SLC12A7: variants seen among roughly 807,000 people sequenced by gnomAD.
The protein encoded by SLC12A7 is K-Cl cotransporter 4.
A neutral mutation model predicts 120.6 loss-of-function variants in SLC12A7; 100 were observed. The observed-to-expected ratio is 0.83, with a 90% CI of 0.71 to 0.98. The LOEUF is 0.98. Ranked by LOEUF, SLC12A7 falls within the 50% of genes least tolerant of loss-of-function variation. SLC12A7 has a pLI of 0.00. For missense variants in SLC12A7, 1,373 were observed against 1,548.1 expected (o/e 0.89, Z 1.90); for synonymous variants, 760 against 678.0 (o/e 1.12, Z -1.88).
chr5:1,050,924 C>CTGAT lies in SLC12A7; in HGVS notation c.*1432_*1435dup, dbSNP rs1734968075. ...CCCGATTTGAACTTTGTTGATGGGG[C>CTGAT]TGATTCCCTTGGGAGACCATGCAAG... On this transcript the variant is annotated 3_prime_UTR_variant, in exon 24 of 24. Transcript: ENST00000264930. 2.3e-5 allele frequency: 9 copies of CTGAT among 398,552 alleles called. No homozygotes were observed. Among genetic ancestry groups the CTGAT allele is most frequent in the African/African-American group, 1.0e-4 (5 of 48,640 alleles). 24.7% of individuals were successfully genotyped at this position (398,552 alleles called of 1,614,324 possible). A position where few individuals can be genotyped will look rare whatever the true frequency, so the allele number is the denominator to read the frequency against.
chr5:1,073,504 C>A, intron 17 of SLC12A7, 129 bp downstream of exon 17: 1 of 1,082,892 alleles, frequency 9.2e-7, no homozygotes, highest in Non-Finnish European at 1.3e-6. Context: ...AAGCCACCGC[C>A]ACGGCTAAAA....
chr5:1,085,284 G>A lies in SLC12A7; in HGVS notation c.865C>T (p.Leu289=), dbSNP rs1339749160. The stretch of plus-strand genomic sequence containing the variant: ...TTGATGACGCCGGCATAGATGGCCA[G>A]GATGGACAGCACGACGCAGGCCAGG... ...VFLACVVLSI[L]AIYAGVIKSA... is the part of the protein sequence containing the mutation. Residue 289 remains leucine, a synonymous_variant, in exon 7 of 24, where the codon CTG becomes TTG. Coordinates refer to ENST00000264930, the MANE Select transcript of SLC12A7 (RefSeq NM_006598.3). 6.2e-7 allele frequency: 1 copy of A among 1,612,556 alleles called. No individual in the cohort carries two copies. Among genetic ancestry groups the A allele is most frequent in the East Asian group, 2.2e-5 (1 of 44,870 alleles).
intron 1 of SLC12A7, among the ~76,000 whole-genome samples, chr5:1,107,355 T>TA (rs1219217432): frequency 1.3e-5 from 2 of 152,176 alleles, no homozygotes; most frequent in Admixed American, 6.5e-5. Flanking sequence ...GCCTGGGCCA[T>TA]CTGGGAATCC....
At chr5:1,078,210 C>A (rs373781531) in intron 11 of SLC12A7, among the ~76,000 whole-genome samples, 27 of 152,058 alleles carry the variant, frequency 1.8e-4, no homozygotes, top group African/African-American at 6.5e-4. Context: ...GGGTCTTCAG[C>A]GGGGGAGGGG....
At chr5:1,057,390 T>A in intron 22 of SLC12A7, 81 bp downstream of exon 22, 4 of 1,423,784 alleles carry the variant, frequency 2.8e-6, no homozygotes, top group Non-Finnish European at 2.8e-6. Flanking sequence ...TCTTCAGTGG[T>A]CAGGGAAGGG....
At chr5:1,116,486 A>T (rs990742705), upstream of SLC12A7, among the ~76,000 whole-genome samples, 1 of 152,192 alleles carries the variant, frequency 6.6e-6, no homozygotes, top group South Asian at 2.1e-4. Context: ...GTCTCAGACC[A>T]TCTGTGTCTG....
At chr5:1,091,662 AGCGT>A in intron 3 of SLC12A7, among the ~76,000 whole-genome samples, 1 of 152,170 alleles carries the variant, frequency 6.6e-6, no homozygotes, top group East Asian at 1.9e-4. Flanking sequence ...CCAGTTCCAC[AGCGT>A]CCACGTGCGG....
intron 3 of SLC12A7, among the ~76,000 whole-genome samples, chr5:1,092,973 C>CT (rs1740692855): frequency 6.6e-6 from 1 of 152,154 alleles, no homozygotes; most frequent in Admixed American, 6.5e-5. Flanking sequence ...CCCGAGGATG[C>CT]TCAAGGGGTT....
intron 9 of SLC12A7, 23 bp from the exon 10 acceptor site, chr5:1,079,519 A>C (rs201555295): frequency 6.3e-7 from 1 of 1,594,698 alleles, no homozygotes; most frequent in African/African-American, 1.3e-5. Context: ...AAAATGCTGC[A>C]AAGACCCATC....
At chr5:1,136,684 C>T in the SLC12A7 span, among the ~76,000 whole-genome samples, 1 of 136,376 alleles carries the variant, frequency 7.3e-6, no homozygotes, top group Admixed American at 7.5e-5. Flanking sequence ...GACACGCAGG[C>T]ACACACGTGC....
At chr5:1,110,397 C>T (rs1329164701) in intron 1 of SLC12A7, among the ~76,000 whole-genome samples, 1 of 152,274 alleles carries the variant, frequency 6.6e-6, no homozygotes, top group Non-Finnish European at 1.5e-5. Flanking sequence ...AGCGCTCAGC[C>T]AGGGCCACTT....
intron 1 of SLC12A7, among the ~76,000 whole-genome samples, chr5:1,106,646 G>A (rs143690246): frequency 6.6e-6 from 1 of 152,246 alleles, no homozygotes; most frequent in Non-Finnish European, 1.5e-5. Flanking sequence ...TGCCACGTCG[G>A]GATGTGTCTG....
chr5:1,079,549 G>A, intron 9 of SLC12A7, 53 bp from the exon 10 acceptor site: 1 of 1,404,074 alleles, frequency 7.1e-7, no homozygotes, highest in Non-Finnish European at 1.0e-6. Flanking sequence ...AGTGCCATGT[G>A]ATGGCAGCCC....
the SLC12A7 span, among the ~76,000 whole-genome samples, chr5:1,141,416 T>C: frequency 6.6e-6 from 1 of 152,050 alleles, no homozygotes; most frequent in Non-Finnish European, 1.5e-5. Context: ...AACTTGGCTG[T>C]CCCAGCCGTC....
the SLC12A7 span, among the ~76,000 whole-genome samples, chr5:1,117,214 G>T: frequency 6.6e-6 from 1 of 152,130 alleles, no homozygotes; most frequent in East Asian, 1.9e-4. This position sits in a 1 kb window ranked among gnomAD's most constrained non-coding sequence, Gnocchi z 4.5. Flanking sequence ...CGGGGGTGGG[G>T]GTGCAGCCTT....
intron 11 of SLC12A7, 28 bp from the exon 12 acceptor site, chr5:1,078,035 C>A (rs12374519): frequency 0.011 from 17,075 of 1,536,888 alleles, 122 homozygotes; most frequent in Non-Finnish European, 0.014. Flanking sequence ...GGCGGGCGGG[C>A]GGCTTTCAGA....
At chr5:1,120,953 A>C in the SLC12A7 span, among the ~76,000 whole-genome samples, 1 of 152,206 alleles carries the variant, frequency 6.6e-6, no homozygotes, top group Non-Finnish European at 1.5e-5. Flanking sequence ...CTCACCCGGC[A>C]AAGATTTAAG....
At position 1,112,033 on chromosome 5, in the gene SLC12A7, G is replaced by A; in HGVS notation, c.-42C>T. 1 of 1,226,688 alleles carries A rather than the reference G, an allele frequency of 8.2e-7. No individual in the cohort carries two copies. The allele number at this position is 1,226,688 out of a possible 1,614,324, so 76.0% of individuals were successfully genotyped here. A position where few individuals can be genotyped will look rare whatever the true frequency, so the allele number is the denominator to read the frequency against. ...CAGTCCCCGTCCCGGCCCGGCCCGCGCTGCGCCGCTCCCGCCGACGCCACG... is the reference window on the plus strand; with the variant it reads ...CAGTCCCCGTCCCGGCCCGGCCCGCACTGCGCCGCTCCCGCCGACGCCACG... On this transcript the variant is annotated 5_prime_UTR_variant, in exon 1 of 24. Transcript: ENST00000264930.
the SLC12A7 span, among the ~76,000 whole-genome samples, chr5:1,140,004 G>A: frequency 2.6e-5 from 4 of 152,184 alleles, no homozygotes; most frequent in Admixed American, 6.5e-5. Flanking sequence ...AAGGTGTCAG[G>A]ACACGCCCGG....
Sources: allele counts gnomAD v4.1 joint callset (sites outside exome capture counted in the v4.1 genomes callset), GRCh38; gene constraint gnomAD v4.1.1; non-coding constraint Gnocchi (gnomAD v3.1); transcripts MANE v1.5; gene names NCBI Gene and HGNC (gene_info 2026-07-23, HGNC 2026-07-21).